OPHN1: variants seen among roughly 807,000 people sequenced by gnomAD.
OPHN1 encodes oligophrenin 1, also known as oligophrenin-1.
A neutral mutation model predicts 60.7 loss-of-function variants in OPHN1; 11 were observed. The ratio of observed to expected loss-of-function variants is 0.18; its 90% CI spans 0.11 to 0.30. The LOEUF is 0.30. Ranked by LOEUF, OPHN1 falls within the 10% of genes least tolerant of loss-of-function variation. The pLI, the probability that OPHN1 is intolerant of heterozygous loss-of-function variation, is 1.00. For synonymous variants in OPHN1, 226 were observed against 222.6 expected (o/e 1.02, Z -0.14); for missense variants, 449 against 611.0 (o/e 0.73, Z 2.80).
At chrX:68,369,590 G>T (rs760316475) in intron 2 of OPHN1, among the ~76,000 whole-genome samples, 1 of 109,985 alleles carries the variant, frequency 9.1e-6, no homozygotes, top group African/African-American at 3.3e-5. Flanking sequence ...AAGAGCTAAA[G>T]GAAAACATGC....
intron 2 of OPHN1, among the ~76,000 whole-genome samples, chrX:68,403,294 C>T (rs924108840): frequency 7.2e-5 from 8 of 111,440 alleles, no homozygotes; most frequent in South Asian, 3.8e-4. Context: ...GATACAGAAC[C>T]GGTGTCAAAT....
chrX:68,296,892 G>C (rs1418636330), intron 3 of OPHN1, among the ~76,000 whole-genome samples: 1 of 110,828 alleles, frequency 9.0e-6, no homozygotes, highest in Admixed American at 9.7e-5. Flanking sequence ...TCACCAAGGA[G>C]TCATTTTTCT....
intron 19 of OPHN1, among the ~76,000 whole-genome samples, chrX:68,076,391 T>C (rs1313505927): frequency 1.8e-5 from 2 of 108,743 alleles, no homozygotes; most frequent in African/African-American, 3.3e-5. Flanking sequence ...TACAATGTCA[T>C]AGTGAATTAA....
At chrX:68,226,903 G>A (rs1191435754) in intron 6 of OPHN1, among the ~76,000 whole-genome samples, 2 of 111,485 alleles carry the variant, frequency 1.8e-5, no homozygotes, top group Non-Finnish European at 1.9e-5. Flanking sequence ...ATGTAAATGG[G>A]CTAAATGCTC....
At chrX:68,187,949 T>C (rs1168263635) in intron 15 of OPHN1, among the ~76,000 whole-genome samples, 1 of 111,828 alleles carries the variant, frequency 8.9e-6, no homozygotes, top group African/African-American at 3.2e-5. Flanking sequence ...TTTTAAGCCA[T>C]TAAATTTGTG....
chrX:68,370,214 C>T (rs746155526), intron 2 of OPHN1, among the ~76,000 whole-genome samples: 27 of 107,969 alleles, frequency 2.5e-4, no homozygotes, highest in African/African-American at 8.8e-4. Flanking sequence ...GATGCTCAAC[C>T]GGCCAGGCAC....
intron 19 of OPHN1, among the ~76,000 whole-genome samples, chrX:68,080,704 G>A (rs1376620250): frequency 8.9e-6 from 1 of 112,108 alleles, no homozygotes; most frequent in Non-Finnish European, 1.9e-5. Context: ...GCCAAGTGGT[G>A]AGGATGGCAG....
rs2077502838 is a variant in OPHN1 at position 68,194,636 on chromosome X, A to T, written c.1105-138T>A. Reference sequence around the variant, plus strand: ...CTCCAGGATGTTAAAAAGATAGCCAAGTGGGCTAAACATAATTGCTTTGCC... The same window carrying T: ...CTCCAGGATGTTAAAAAGATAGCCATGTGGGCTAAACATAATTGCTTTGCC... On this transcript the variant is annotated intron_variant, in intron 12 of 24. Transcript: ENST00000355520. The T allele has an allele frequency of 8.9e-6, 5 of 560,317 alleles. No individual in the cohort carries two copies. The South Asian group carries it at 1.4e-4, about 15-fold the overall frequency. The allele number at this position is 560,317 out of a possible 1,213,427, so 46.2% of individuals were successfully genotyped here.
chrX:68,424,042 C>T (rs1356666191), intron 2 of OPHN1, among the ~76,000 whole-genome samples: 4 of 110,483 alleles, frequency 3.6e-5, no homozygotes, highest in South Asian at 3.9e-4. Context: ...TGGCGGACAC[C>T]TATAATCCGA....
At chrX:68,335,197 A>G (rs1456481436) in intron 2 of OPHN1, among the ~76,000 whole-genome samples, 2 of 108,537 alleles carry the variant, frequency 1.8e-5, no homozygotes, top group Non-Finnish European at 1.9e-5. Context: ...GGGGTGCTCA[A>G]CGAAGATACG....
At chrX:68,280,178 C>T (rs2078013163) in intron 4 of OPHN1, among the ~76,000 whole-genome samples, 1 of 111,597 alleles carries the variant, frequency 9.0e-6, no homozygotes, top group Non-Finnish European at 1.9e-5. Context: ...ATATTTTAAA[C>T]TAAGAAAATT....
intron 2 of OPHN1, among the ~76,000 whole-genome samples, chrX:68,404,957 T>C (rs1389648445): frequency 9.0e-6 from 1 of 111,667 alleles, no homozygotes; most frequent in Non-Finnish European, 1.9e-5. Flanking sequence ...TAGAGGTTCA[T>C]TGTTGCAAGA....
At chrX:68,180,666 G>A (rs1467510418) in intron 15 of OPHN1, among the ~76,000 whole-genome samples, 3 of 111,732 alleles carry the variant, frequency 2.7e-5, no homozygotes, top group Admixed American at 1.9e-4. Context: ...AACCAGCAGA[G>A]GCTAAAGAGA....
intron 2 of OPHN1, among the ~76,000 whole-genome samples, chrX:68,315,230 AAAGAAAGGGAAGAAAAGG>A (rs1172454943): frequency 1.9e-5 from 2 of 107,666 alleles, no homozygotes; most frequent in Non-Finnish European, 3.8e-5. Flanking sequence ...AGAAGACAGA[AAAGAAAGGGAAGAAAAGG>A]AAGAAAGGGA....
At chrX:68,312,110 T>C (rs185399560) in intron 2 of OPHN1, among the ~76,000 whole-genome samples, 1 of 107,662 alleles carries the variant, frequency 9.3e-6, no homozygotes, top group African/African-American at 3.4e-5. Context: ...ATTTTTTTTT[T>C]TTTTTTTGAG....
At chrX:68,115,663 G>A (rs1310375928) in intron 16 of OPHN1, among the ~76,000 whole-genome samples, 1 of 112,078 alleles carries the variant, frequency 8.9e-6, no homozygotes, top group Non-Finnish European at 1.9e-5. Context: ...TGGAGCAGAG[G>A]GGGTAAGAGT....
At chrX:68,217,631 A>G (rs373449843) in intron 6 of OPHN1, among the ~76,000 whole-genome samples, 2 of 109,745 alleles carry the variant, frequency 1.8e-5, no homozygotes, top group African/African-American at 6.6e-5. Context: ...CCTGACCCCC[A>G]AGCAGCCTAA....
chrX:68,274,732 A>T lies in OPHN1; in HGVS notation c.384+6T>A. 3 of 1,178,740 alleles carry T rather than the reference A, an allele frequency of 2.5e-6. No individual in the cohort carries two copies. The highest frequency in any genetic ancestry group is 3.5e-6 in the Non-Finnish European group (3 of 866,543). ...AAAAAATCTTATGCATATACAGAAA[A>T]TGTACCTTGGTGAAGCCTATTTGTT... On this transcript the variant is annotated splice_donor_region_variant and intron_variant, in intron 5 of 24. Transcript: ENST00000355520.
At chrX:68,379,875 G>C (rs190436956) in intron 2 of OPHN1, among the ~76,000 whole-genome samples, 2,159 of 108,909 alleles carry the variant, frequency 0.02, 20 homozygotes, top group Non-Finnish European at 0.032. Flanking sequence ...CGAGGATATT[G>C]GTCTAAAATT....
Sources: allele counts gnomAD v4.1 joint callset (sites outside exome capture counted in the v4.1 genomes callset), GRCh38; gene constraint gnomAD v4.1.1; transcripts MANE v1.5; gene names NCBI Gene and HGNC (gene_info 2026-07-23, HGNC 2026-07-21).